The following RPS6KA2 variants were observed in gnomAD, a reference collection of about 807,000 sequenced individuals.
RPS6KA2 encodes the protein ribosomal protein S6 kinase A2.
RPS6KA2 carries 42 observed loss-of-function variants against 91.8 expected under a neutral mutation model. The ratio of observed to expected loss-of-function variants is 0.46; its 90% CI spans 0.36 to 0.59. RPS6KA2 has a LOEUF of 0.59. Among genes scored for constraint, RPS6KA2 ranks in the 20% least tolerant of loss-of-function variants. RPS6KA2 has a pLI of 0.00. For synonymous variants in RPS6KA2, 414 were observed against 393.6 expected, an observed-to-expected ratio of 1.05 and a Z score of -0.61; for missense variants, 798 against 978.5, an observed-to-expected ratio of 0.82 and a Z score of 2.46.
At chr6:166,812,597 C>G (rs113418892) in intron 2 of RPS6KA2, among the ~76,000 whole-genome samples, 1 of 152,126 alleles carries the variant, frequency 6.6e-6, no homozygotes, top group Non-Finnish European at 1.5e-5. Context: ...GTGTTGGGCG[C>G]GTGGCCTCCC....
chr6:166,620,904 C>A (rs1051561679), intron 1 of RPS6KA2, among the ~76,000 whole-genome samples: 2 of 152,216 alleles, frequency 1.3e-5, no homozygotes, highest in African/African-American at 2.4e-5. Flanking sequence ...GGAGAAGGGG[C>A]AGCCGGCAAG....
At position 166,681,702 on chromosome 6, in the gene RPS6KA2, GC is replaced by G. The variant is rs1453376878; in HGVS notation, c.124-142919del. Among the ~76,000 whole-genome samples, 119 of 14,480 alleles carry G rather than the reference GC, an allele frequency of 8.2e-3. 6 individuals carry two copies. The highest frequency in any genetic ancestry group is 0.12 in the Middle Eastern group (1 of 8). 9.5% of individuals were successfully genotyped at this position (14,480 alleles called of 152,430 possible). ...TCTCCCCCTGCCCGCCCCCCCCCCC[GC>G]CCCCGCCCAAGATCTTGCTCTTGGT... is the stretch of plus-strand genomic sequence containing the variant. On this transcript the variant is annotated intron_variant, in intron 2 of 21. Transcript: ENST00000503859.
At chr6:166,818,171 A>G (rs1392603771) in intron 2 of RPS6KA2, among the ~76,000 whole-genome samples, 1 of 152,152 alleles carries the variant, frequency 6.6e-6, no homozygotes, top group Non-Finnish European at 1.5e-5. Flanking sequence ...GATATTATTA[A>G]ATGTACAGTT....
chr6:166,678,669 C>T lies in RPS6KA2; in HGVS notation c.124-139885G>A, dbSNP rs1378152632. The stretch of plus-strand genomic sequence containing the variant: ...CAGAGTTACAGATGACTGTGACTCA[C>T]GCCTGGAGAAGCAGCAAGGTGGGGT... On this transcript the variant is annotated intron_variant, in intron 2 of 21. Transcript: ENST00000503859. Among the ~76,000 whole-genome samples the T allele has an allele frequency of 5.9e-5, 9 of 152,328 alleles. No individual in the cohort carries two copies. In the East Asian group the frequency reaches 7.7e-4, roughly 13 times the overall value.
At chr6:166,518,251 C>CAAAAA (rs11373431) in intron 3 of RPS6KA2, among the ~76,000 whole-genome samples, 6 of 87,286 alleles carry the variant, frequency 6.9e-5, no homozygotes, top group African/African-American at 2.9e-4. Flanking sequence ...AACACTGCCT[C>CAAAAA]AAAAAAAAAA....
chr6:166,654,229 C>T (rs896339662), intron 2 of RPS6KA2, among the ~76,000 whole-genome samples: 1 of 152,178 alleles, frequency 6.6e-6, no homozygotes, highest in Non-Finnish European at 1.5e-5. Context: ...ACAATGTACC[C>T]ACAGCTGCAT....
At position 166,589,764 on chromosome 6, in the gene RPS6KA2, A is replaced by G. The variant is rs542273376; in HGVS notation, c.99+37157T>C. On this transcript the variant is annotated intron_variant, in intron 1 of 20. Transcript: ENST00000265678. ...TCTATCAGTCTTACAGAAGACTCTC[A>G]CCCAGTGCTTTGGCCCAAACAAATC... 6.6e-5 allele frequency among the ~76,000 whole-genome samples: 10 copies of G among 152,330 alleles called. No individual in the cohort carries two copies. The East Asian group carries it at 1.9e-3, about 29-fold the overall frequency.
chr6:166,465,873 C>T (rs1052611288), intron 11 of RPS6KA2, among the ~76,000 whole-genome samples: 3 of 152,314 alleles, frequency 2.0e-5, no homozygotes. Flanking sequence ...GAGCACCAAG[C>T]GTTATTTATC....
intron 12 of RPS6KA2, among the ~76,000 whole-genome samples, 168 bp from the exon 13 acceptor site, chr6:166,451,401 CAT>C (rs1779914425): frequency 1.3e-5 from 2 of 148,772 alleles, no homozygotes; most frequent in South Asian, 4.2e-4. Context: ...GTAAAACAGA[CAT>C]GTAGAAATGC....
intron 14 of RPS6KA2, among the ~76,000 whole-genome samples, chr6:166,447,881 G>T (rs1779729777): frequency 6.6e-6 from 1 of 152,202 alleles, no homozygotes. Flanking sequence ...ACAGCCTGGG[G>T]TTTGGCTCCA....
Position 166,849,514 on chromosome 6 carries a change from G to T in RPS6KA2, c.123+8686C>A, listed in dbSNP as rs991437546. ...AAAAGAAGAAGGGAGGGTGAGGTGG[G>T]GGCGGATCAGCTTGAGTCACCACGC... On this transcript the variant is annotated intron_variant, in intron 2 of 21. Coordinates refer to the RPS6KA2 transcript ENST00000503859. This position sits in a 1 kb window ranked among gnomAD's most constrained non-coding sequence, Gnocchi z 4.9. 2.0e-4 allele frequency among the ~76,000 whole-genome samples: 31 copies of T among 152,294 alleles called. No homozygotes were observed. The South Asian group carries it at 2.3e-3, about 11-fold the overall frequency.
chr6:166,614,735 C>T (rs1340279128), intron 1 of RPS6KA2, among the ~76,000 whole-genome samples: 3 of 152,302 alleles, frequency 2.0e-5, no homozygotes, highest in Admixed American at 2.0e-4. Flanking sequence ...GGGCCACCTG[C>T]GTTCCTTGCT....
chr6:166,481,296 A>G (rs1781204724), intron 10 of RPS6KA2, among the ~76,000 whole-genome samples: 1 of 152,290 alleles, frequency 6.6e-6, no homozygotes, highest in Non-Finnish European at 1.5e-5. Flanking sequence ...CAAAGCTCAA[A>G]GTGGTCTTTG....
chr6:166,796,231 A>T (rs1051808291), intron 2 of RPS6KA2, among the ~76,000 whole-genome samples: 1 of 152,276 alleles, frequency 6.6e-6, no homozygotes, highest in East Asian at 1.9e-4. Flanking sequence ...AGACAAAAAG[A>T]CCACTCATGT....
At chr6:166,811,127 A>G (rs1779630509) in intron 2 of RPS6KA2, among the ~76,000 whole-genome samples, 1 of 152,224 alleles carries the variant, frequency 6.6e-6, no homozygotes, top group South Asian at 2.1e-4. Context: ...GGTCAAATAT[A>G]CATGCCATGC....
At chr6:166,860,761 G>A (rs1781029206) in intron 1 of RPS6KA2, among the ~76,000 whole-genome samples, 1 of 152,160 alleles carries the variant, frequency 6.6e-6, no homozygotes, top group Non-Finnish European at 1.5e-5. Context: ...AGAACTTCTA[G>A]CTGATCACTT....
At position 166,437,164 on chromosome 6, in the gene RPS6KA2, C is replaced by T. The variant is rs1779350150; in HGVS notation, c.1333-4674G>A. Reference sequence around the variant, plus strand: ...TCCTGGAGTACATGACCTGGATCTGCTGCGGGCAGCCGGGGTTTGGACACA... The same window carrying T: ...TCCTGGAGTACATGACCTGGATCTGTTGCGGGCAGCCGGGGTTTGGACACA... On this transcript the variant is annotated intron_variant, in intron 14 of 20. Coordinates refer to ENST00000265678, the MANE Select transcript of RPS6KA2 (RefSeq NM_021135.6). The surrounding 1 kb of genome is among the most constrained non-coding windows in gnomAD (Gnocchi z 4.3). Among the ~76,000 whole-genome samples, 1 of 151,936 alleles carries T rather than the reference C, an allele frequency of 6.6e-6. No homozygotes were observed. The highest frequency in any genetic ancestry group is 1.5e-5 in the Non-Finnish European group (1 of 68,026).
rs1163542785 is a variant in RPS6KA2, at chr6:166,563,944, G to A, written c.100-25160C>T. 2.6e-5 allele frequency among the ~76,000 whole-genome samples: 4 copies of A among 152,168 alleles called. No homozygotes were observed. The highest frequency in any genetic ancestry group is 1.9e-4 in the East Asian group (1 of 5,194). On this transcript the variant is annotated intron_variant, in intron 1 of 20. Transcript: ENST00000265678. This position sits in a 1 kb window ranked among gnomAD's most constrained non-coding sequence, Gnocchi z 4.1. ...GCAGGAAAGAGGAGACGATTACTCCGTGTCTCAGCATGAAGAAATGGCAGA... is the reference window on the plus strand; with the variant it reads ...GCAGGAAAGAGGAGACGATTACTCCATGTCTCAGCATGAAGAAATGGCAGA...
chr6:166,581,824 A>G (rs55993757), intron 1 of RPS6KA2, among the ~76,000 whole-genome samples: 371 of 59,644 alleles, frequency 6.2e-3, no homozygotes, highest in African/African-American at 8.2e-3. Context: ...AGGGCACAGG[A>G]AGAGGGTGAG....
Sources: allele counts gnomAD v4.1 joint callset (sites outside exome capture counted in the v4.1 genomes callset), GRCh38; gene constraint gnomAD v4.1.1; non-coding constraint Gnocchi (gnomAD v3.1); transcripts MANE v1.5; gene names NCBI Gene and HGNC (gene_info 2026-07-23, HGNC 2026-07-21).